Variants in SPEF2 observed in about 807,000 individuals in gnomAD.
SPEF2 encodes sperm flagellar and cilia associated 2.
SPEF2 carries 187 observed loss-of-function variants against 224.6 expected under a neutral mutation model. The observed-to-expected ratio is 0.83, with a 90% CI of 0.74 to 0.94. The LOEUF is 0.94. SPEF2 is among the 40% of genes least tolerant of loss of function. The probability of loss-of-function intolerance (pLI) is 0.00; values close to 1 mark genes in which losing one functional copy is unlikely to be tolerated. For missense variants in SPEF2, 2,170 were observed against 2,135.6 expected, an observed-to-expected ratio of 1.02 and a Z score of -0.32; for synonymous variants, 715 against 707.3, an observed-to-expected ratio of 1.01 and a Z score of -0.17.
intron 26 of SPEF2, among the ~76,000 whole-genome samples, chr5:35,767,910 C>T (rs1752299352): frequency 6.6e-6 from 1 of 151,966 alleles, no homozygotes; most frequent in Non-Finnish European, 1.5e-5. Context: ...TAGTTTCTAT[C>T]TTGATTCCTG....
chr5:35,666,883 A>T (rs1750543275), intron 8 of SPEF2, among the ~76,000 whole-genome samples, 189 bp from the exon 9 acceptor site: 1 of 152,222 alleles, frequency 6.6e-6, no homozygotes, highest in Non-Finnish European at 1.5e-5. Context: ...TAAGAGTAGG[A>T]TATTTCCAAT....
chr5:35,813,205 G>A (rs1758643401), intron 36 of SPEF2, among the ~76,000 whole-genome samples: 1 of 152,146 alleles, frequency 6.6e-6, no homozygotes. Context: ...ATTAGGAATT[G>A]TAGTGGGCTG....
intron 2 of SPEF2, among the ~76,000 whole-genome samples, chr5:35,632,319 C>A (rs536224378): frequency 1.3e-5 from 2 of 152,242 alleles, no homozygotes; most frequent in African/African-American, 4.8e-5. Context: ...GAAGAGGAAG[C>A]AAACACATCC....
chr5:35,766,658 A>G (rs986061560), intron 26 of SPEF2, among the ~76,000 whole-genome samples: 4 of 151,310 alleles, frequency 2.6e-5, no homozygotes, highest in Non-Finnish European at 5.9e-5. Context: ...TCTTAATATC[A>G]TATTTTCCTC....
chr5:35,639,844 G>GTCT (rs1486996429), intron 2 of SPEF2, among the ~76,000 whole-genome samples: 1 of 151,772 alleles, frequency 6.6e-6, no homozygotes, highest in Non-Finnish European at 1.5e-5. Context: ...CATATGCTCT[G>GTCT]TCTCCAGAGC....
In SPEF2 at chr5:35,670,231, C is replaced by T; in HGVS notation, c.1524+4C>T. 1.3e-6 allele frequency: 2 copies of T among 1,586,418 alleles called. No individual in the cohort carries two copies. The highest frequency in any genetic ancestry group is 1.2e-5 in the South Asian group (1 of 84,940). ...CAATGATTATGAAGAATATAAGGTACCTACTGATATGAAATAATTAGAATG... is the reference window on the plus strand; with the variant it reads ...CAATGATTATGAAGAATATAAGGTATCTACTGATATGAAATAATTAGAATG... On this transcript the variant is annotated splice_donor_region_variant and intron_variant, in intron 10 of 36. Transcript: ENST00000356031.
chr5:35,695,759 A>G lies in SPEF2; in HGVS notation c.2000A>G (p.Lys667Arg). The G allele has an allele frequency of 6.2e-7, 1 of 1,610,758 alleles. No individual in the cohort carries two copies. The highest frequency in any genetic ancestry group is 1.1e-5 in the South Asian group (1 of 90,252). The stretch of plus-strand genomic sequence containing the variant: ...GGTGCTAATGCTGATAAAACACCAA[A>G]AGCTGAAGAAGTCAAATCAAGTGAT... Reference protein sequence around the residue: ...MLSANADKTPKAEEVKSSDSF... With the variant: ...MLSANADKTPRAEEVKSSDSF... Residue 667 changes from lysine (K) to arginine (R), a missense_variant, in exon 14 of 37, where the codon AAA (lysine) becomes AGA (arginine). Transcript: ENST00000356031.
chr5:35,626,213 T>C (rs1360512727), intron 1 of SPEF2, among the ~76,000 whole-genome samples: 1 of 152,146 alleles, frequency 6.6e-6, no homozygotes, highest in African/African-American at 2.4e-5. Context: ...CAAGAGTTGC[T>C]TCAGTGTTTC....
chr5:35,770,977 C>T (rs1383697925), intron 26 of SPEF2, among the ~76,000 whole-genome samples: 1 of 152,038 alleles, frequency 6.6e-6, no homozygotes, highest in African/African-American at 2.4e-5. Flanking sequence ...ATTTAGTGCT[C>T]AAGTAGAATA....
intron 31 of SPEF2, 122 bp from the exon 32 acceptor site, chr5:35,793,037 C>A: frequency 1.2e-6 from 1 of 823,078 alleles, no homozygotes; most frequent in Non-Finnish European, 1.9e-6. Flanking sequence ...AGAACTGATT[C>A]TATGTGCCAG....
At chr5:35,726,103 C>G (rs77835057) in intron 20 of SPEF2, among the ~76,000 whole-genome samples, 1 of 152,170 alleles carries the variant, frequency 6.6e-6, no homozygotes, top group Non-Finnish European at 1.5e-5. Context: ...TATTCACTAA[C>G]GCATAGATAC....
intron 28 of SPEF2, among the ~76,000 whole-genome samples, chr5:35,775,557 A>T (rs545594104): frequency 6.6e-6 from 1 of 152,082 alleles, no homozygotes; most frequent in East Asian, 1.9e-4. Flanking sequence ...AGAATGTTCA[A>T]TTCTTCCCTG....
chr5:35,714,541 CT>C (rs1237479951), intron 20 of SPEF2, among the ~76,000 whole-genome samples: 4 of 151,436 alleles, frequency 2.6e-5, no homozygotes, highest in African/African-American at 9.7e-5. Flanking sequence ...ATTGAAAATT[CT>C]TTTGACCTGA....
At chr5:35,774,142 T>C (rs1753270376) in intron 28 of SPEF2, 121 bp downstream of exon 28, 2 of 1,319,492 alleles carry the variant, frequency 1.5e-6, no homozygotes, top group South Asian at 1.5e-5. Context: ...AGCAAAGAGG[T>C]TGAAAAGCAC....
chr5:35,684,464 T>A (rs151234569), intron 10 of SPEF2, among the ~76,000 whole-genome samples: 443 of 152,346 alleles, frequency 2.9e-3, no homozygotes, highest in Non-Finnish European at 4.7e-3. Context: ...TATTCCATTG[T>A]GTTTGGCCAC....
At chr5:35,733,276 G>A (rs765513030) in intron 21 of SPEF2, among the ~76,000 whole-genome samples, 5 of 152,000 alleles carry the variant, frequency 3.3e-5, no homozygotes, top group Non-Finnish European at 5.9e-5. Context: ...CACCACGCCC[G>A]ACTAGTTTTT....
chr5:35,691,892 C>T (rs567944734), intron 11 of SPEF2, among the ~76,000 whole-genome samples: 55 of 152,054 alleles, frequency 3.6e-4, no homozygotes, highest in Non-Finnish European at 5.1e-4. Flanking sequence ...CTCTGCTTCC[C>T]GGGTTCAAGC....
chr5:35,666,966 AG>A (rs1750553327), intron 8 of SPEF2, 105 bp from the exon 9 acceptor site: 1 of 1,016,202 alleles, frequency 9.8e-7, no homozygotes, highest in African/African-American at 1.6e-5. Context: ...TCCTGGTGTG[AG>A]AAGAGGTTTC....
intron 2 of SPEF2, among the ~76,000 whole-genome samples, chr5:35,630,512 C>T (rs10080148): frequency 0.024 from 3,582 of 152,120 alleles, 161 homozygotes; most frequent in African/African-American, 0.082. Flanking sequence ...CTGGCTAACA[C>T]GGTGAAACCC....
Sources: allele counts gnomAD v4.1 joint callset (sites outside exome capture counted in the v4.1 genomes callset), GRCh38; gene constraint gnomAD v4.1.1; transcripts MANE v1.5; gene names NCBI Gene and HGNC (gene_info 2026-07-23, HGNC 2026-07-21).